Variants in ASIC2 observed in about 807,000 individuals in gnomAD.
ASIC2 encodes the protein acid sensing ion channel subunit 2.
A neutral mutation model predicts 57.3 loss-of-function variants in ASIC2; 25 were observed. The ratio of observed to expected loss-of-function variants is 0.44; its 90% CI spans 0.32 to 0.61. The LOEUF (loss-of-function observed/expected upper bound fraction) is 0.61, where lower values mean the gene tolerates loss of function less well. Ranked by LOEUF, ASIC2 falls within the 20% of genes least tolerant of loss-of-function variation. The probability of loss-of-function intolerance (pLI) is 0.06; values close to 1 mark genes in which losing one functional copy is unlikely to be tolerated. For missense variants in ASIC2, 641 were observed against 738.1 expected (o/e 0.87, Z 1.52); for synonymous variants, 319 against 307.5 (o/e 1.04, Z -0.39).
At chr17:33,030,845 C>A (rs957294057) in intron 3 of ASIC2, among the ~76,000 whole-genome samples, 3 of 152,120 alleles carry the variant, frequency 2.0e-5, no homozygotes, top group Non-Finnish European at 4.4e-5. Context: ...CCAACTTACA[C>A]TCCTGGGATA....
intron 1 of ASIC2, among the ~76,000 whole-genome samples, chr17:33,114,860 C>T (rs978013689): frequency 1.2e-4 from 19 of 152,174 alleles, no homozygotes; most frequent in African/African-American, 4.6e-4. Flanking sequence ...TCCTTTATAC[C>T]AGCCTCTCTC....
At chr17:34,090,324 T>C (rs1910280548) in intron 1 of ASIC2, among the ~76,000 whole-genome samples, 1 of 152,186 alleles carries the variant, frequency 6.6e-6, no homozygotes, top group African/African-American at 2.4e-5. Flanking sequence ...GTGCCTATTG[T>C]ATTTATAAAT....
chr17:33,015,022 G>A (rs116406985), intron 9 of ASIC2, among the ~76,000 whole-genome samples: 2,138 of 152,286 alleles, frequency 0.014, 36 homozygotes, highest in African/African-American at 0.048. Context: ...ATGCCAGACC[G>A]TGGGCCCCTT....
chr17:34,134,240 G>C (rs1298070124), intron 1 of ASIC2, among the ~76,000 whole-genome samples: 2 of 152,142 alleles, frequency 1.3e-5, no homozygotes, highest in Non-Finnish European at 2.9e-5. Flanking sequence ...TGATTTAATT[G>C]CATTTGAAAT....
At chr17:33,170,576 T>G (rs1349308974) in intron 1 of ASIC2, among the ~76,000 whole-genome samples, 1 of 152,198 alleles carries the variant, frequency 6.6e-6, no homozygotes, top group Non-Finnish European at 1.5e-5. Context: ...TAGGCTTCAC[T>G]GAGACATTTG....
intron 1 of ASIC2, among the ~76,000 whole-genome samples, chr17:33,991,399 CTG>C (rs2142009897): frequency 6.6e-6 from 1 of 152,344 alleles, no homozygotes; most frequent in South Asian, 2.1e-4. Flanking sequence ...TACACTACCA[CTG>C]TGTCTTTTAA....
rs1360444825 is a variant in ASIC2, at chr17:34,008,108, A to T, written c.555+147870T>A. The stretch of plus-strand genomic sequence containing the variant: ...TTTGGCTCAAAACAATCAACAAAAA[A>T]TCAGGTATTTTTATTCATCCCATTT... On this transcript the variant is annotated intron_variant, in intron 1 of 9. Coordinates refer to the ASIC2 transcript ENST00000359872. 2.6e-5 allele frequency among the ~76,000 whole-genome samples: 4 copies of T among 152,206 alleles called. No individual in the cohort carries two copies. In the East Asian group the frequency reaches 7.7e-4, roughly 29 times the overall value.
chr17:34,108,568 T>C (rs951460859), intron 1 of ASIC2, among the ~76,000 whole-genome samples: 2 of 152,182 alleles, frequency 1.3e-5, no homozygotes, highest in East Asian at 3.8e-4. Context: ...TGGTGTATCG[T>C]GGTGAACACT....
chr17:33,593,165 G>A (rs1304038344), intron 1 of ASIC2, among the ~76,000 whole-genome samples: 3 of 152,314 alleles, frequency 2.0e-5, no homozygotes, highest in South Asian at 4.1e-4. Flanking sequence ...ACGGAGAAAG[G>A]TTTTTGATAA....
At chr17:33,405,782 A>G (rs1417888796) in intron 1 of ASIC2, among the ~76,000 whole-genome samples, 1 of 151,920 alleles carries the variant, frequency 6.6e-6, no homozygotes, top group Non-Finnish European at 1.5e-5. Flanking sequence ...ACACCGGGCC[A>G]AGACAGCACT....
intron 1 of ASIC2, among the ~76,000 whole-genome samples, chr17:33,879,639 C>A (rs1031835528): frequency 2.0e-5 from 3 of 152,146 alleles, no homozygotes; most frequent in Non-Finnish European, 4.4e-5. Flanking sequence ...GACTTAGACT[C>A]CCACACAATA....
intron 1 of ASIC2, among the ~76,000 whole-genome samples, chr17:33,702,018 T>A (rs1393436904): frequency 2.0e-5 from 3 of 152,174 alleles, no homozygotes; most frequent in Non-Finnish European, 4.4e-5. Flanking sequence ...GTGGGGAAGG[T>A]CTCACTTTGG....
At chr17:33,439,466 A>T (rs1273180364) in intron 1 of ASIC2, among the ~76,000 whole-genome samples, 3 of 152,204 alleles carry the variant, frequency 2.0e-5, no homozygotes, top group Non-Finnish European at 4.4e-5. Context: ...CATGTTAAGA[A>T]TAGGGATATC....
chr17:33,510,387 C>T (rs553350990), intron 1 of ASIC2, among the ~76,000 whole-genome samples: 1 of 152,290 alleles, frequency 6.6e-6, no homozygotes, highest in African/African-American at 2.4e-5. Context: ...CATGGTGGCT[C>T]ATGCCTGTAA....
chr17:33,359,447 A>G (rs1226664729), intron 1 of ASIC2, among the ~76,000 whole-genome samples: 1 of 152,206 alleles, frequency 6.6e-6, no homozygotes, highest in Non-Finnish European at 1.5e-5. Flanking sequence ...TGAGGCCACC[A>G]CTACCTACTT....
intron 1 of ASIC2, among the ~76,000 whole-genome samples, chr17:33,592,443 GA>G (rs1322145968): frequency 1.3e-5 from 2 of 152,254 alleles, no homozygotes; most frequent in Admixed American, 6.5e-5. Context: ...GCACAAGCCT[GA>G]AGTGAGGGAA....
intron 1 of ASIC2, among the ~76,000 whole-genome samples, chr17:33,764,506 A>G (rs1158044204): frequency 1.3e-4 from 19 of 151,868 alleles, no homozygotes; most frequent in African/African-American, 7.2e-5. Flanking sequence ...GTTTAAGGTC[A>G]AGGGAGTACA....
At chr17:33,051,679 A>AG (rs2091977104) in intron 3 of ASIC2, among the ~76,000 whole-genome samples, 1 of 152,168 alleles carries the variant, frequency 6.6e-6, no homozygotes, top group East Asian at 1.9e-4. Flanking sequence ...CCTCTGTGTG[A>AG]AATAGGAATA....
intron 1 of ASIC2, among the ~76,000 whole-genome samples, chr17:33,601,447 C>T (rs115013866): frequency 0.032 from 4,919 of 152,242 alleles, 259 homozygotes; most frequent in African/African-American, 0.11. Flanking sequence ...CCAGCTGTGG[C>T]TCAGGCAGGC....
Sources: allele counts gnomAD v4.1 joint callset (sites outside exome capture counted in the v4.1 genomes callset), GRCh38; gene constraint gnomAD v4.1.1; transcripts MANE v1.5; gene names NCBI Gene and HGNC (gene_info 2026-07-23, HGNC 2026-07-21).